SNTG1: variants seen among roughly 807,000 people sequenced by gnomAD.
SNTG1 encodes the protein syntrophin gamma 1.
SNTG1 carries 39 observed loss-of-function variants against 74.7 expected under a neutral mutation model. The observed-to-expected ratio is 0.52, with a 90% CI of 0.40 to 0.68. The LOEUF (loss-of-function observed/expected upper bound fraction) is 0.68. Ranked by LOEUF, SNTG1 falls within the 30% of genes least tolerant of loss-of-function variation. The pLI, the probability that SNTG1 is intolerant of heterozygous loss-of-function variation, is 0.00. For synonymous variants in SNTG1, 254 were observed against 217.1 expected (o/e 1.17, Z -1.49); for missense variants, 685 against 609.5 (o/e 1.12, Z -1.30).
At chr8:50,498,981 C>A (rs1165507478) in intron 8 of SNTG1, among the ~76,000 whole-genome samples, 1 of 151,470 alleles carries the variant, frequency 6.6e-6, no homozygotes, top group Non-Finnish European at 1.5e-5. Flanking sequence ...TTTGCTTTAT[C>A]TATCTTTTTG....
chr8:50,351,145 C>T (rs1448433674), intron 2 of SNTG1, among the ~76,000 whole-genome samples: 1 of 152,194 alleles, frequency 6.6e-6, no homozygotes, highest in African/African-American at 2.4e-5. Flanking sequence ...ACTACCTAGA[C>T]CCATTTCTTA....
chr8:50,790,578 C>G (rs1256670619), intron 18 of SNTG1, among the ~76,000 whole-genome samples: 1 of 151,888 alleles, frequency 6.6e-6, no homozygotes, highest in East Asian at 1.9e-4. Flanking sequence ...TAAAAGGAAT[C>G]GTTGACACCC....
intron 1 of SNTG1, among the ~76,000 whole-genome samples, chr8:49,917,836 A>T (rs924776163): frequency 6.6e-6 from 1 of 152,190 alleles, no homozygotes; most frequent in Non-Finnish European, 1.5e-5. Context: ...AGCCAGTGAG[A>T]TCTGCATCAC....
At chr8:50,472,922 T>C (rs1050308719) in intron 8 of SNTG1, among the ~76,000 whole-genome samples, 12 of 151,848 alleles carry the variant, frequency 7.9e-5, no homozygotes, top group Non-Finnish European at 1.5e-4. Flanking sequence ...AAAAAACATA[T>C]GAAAAAATGC....
intron 8 of SNTG1, among the ~76,000 whole-genome samples, chr8:50,497,876 T>C (rs2093917852): frequency 1.3e-5 from 2 of 152,076 alleles, no homozygotes; most frequent in South Asian, 2.1e-4. Flanking sequence ...GTATGTTTTC[T>C]GGCTTCTTTC....
intron 1 of SNTG1, among the ~76,000 whole-genome samples, chr8:50,029,336 T>A (rs988563059): frequency 6.6e-6 from 1 of 152,176 alleles, no homozygotes; most frequent in East Asian, 1.9e-4. Flanking sequence ...ATCATTTCTT[T>A]GTGTTAGAAT....
rs900874040 is a variant in SNTG1 at position 50,774,310 on chromosome 8, A to G, written c.1396-18361A>G. 4.6e-5 allele frequency among the ~76,000 whole-genome samples: 7 copies of G among 152,038 alleles called. No individual in the cohort carries two copies. The South Asian group carries it at 1.0e-3, about 22-fold the overall frequency. ...GAATAAAAACAAAAGACATAAAATTATCATGATTCACCAGCAAAAGGCCAG... is the reference window on the plus strand; with the variant it reads ...GAATAAAAACAAAAGACATAAAATTGTCATGATTCACCAGCAAAAGGCCAG... On this transcript the variant is annotated intron_variant, in intron 18 of 18. Coordinates refer to ENST00000642720, the MANE Select transcript of SNTG1 (RefSeq NM_018967.5).
intron 1 of SNTG1, among the ~76,000 whole-genome samples, chr8:50,159,121 C>T (rs1403333624): frequency 2.6e-5 from 4 of 152,146 alleles, no homozygotes; most frequent in Middle Eastern, 3.4e-3. Flanking sequence ...ATGCTTGTTC[C>T]TGTCTTGGCT....
At chr8:50,146,289 G>C (rs537869563) in intron 1 of SNTG1, among the ~76,000 whole-genome samples, 1 of 151,956 alleles carries the variant, frequency 6.6e-6, no homozygotes, top group Non-Finnish European at 1.5e-5. Flanking sequence ...AGGCCGAGGC[G>C]GGTGGATCAC....
At chr8:50,012,834 G>C (rs538945077) in intron 1 of SNTG1, among the ~76,000 whole-genome samples, 1 of 152,248 alleles carries the variant, frequency 6.6e-6, no homozygotes, top group East Asian at 1.9e-4. Flanking sequence ...TGGGTTTTGA[G>C]ACAGCAGCTG....
rs575725011 is a variant in SNTG1, at chr8:50,124,270, C to A, written c.-102-48291C>A. ...CCGTGAGAAAGGCTTTGGGAGAAAC[C>A]AACCCGCTGACACATCAGCCTCAGA... On this transcript the variant is annotated intron_variant, in intron 1 of 18. Coordinates refer to ENST00000642720, the MANE Select transcript of SNTG1 (RefSeq NM_018967.5). Among the ~76,000 whole-genome samples, 3 of 141,636 alleles carry A rather than the reference C, an allele frequency of 2.1e-5. 1 individual carries two copies. Among genetic ancestry groups the A allele is most frequent in the Non-Finnish European group, 4.7e-5 (3 of 63,656 alleles). 92.9% of individuals were successfully genotyped at this position (141,636 alleles called of 152,430 possible).
chr8:50,563,107 G>C (rs1410409037), intron 12 of SNTG1, among the ~76,000 whole-genome samples: 1 of 152,184 alleles, frequency 6.6e-6, no homozygotes, highest in Non-Finnish European at 1.5e-5. Context: ...CTGTTGAATT[G>C]TCAGGCAGTC....
intron 2 of SNTG1, among the ~76,000 whole-genome samples, chr8:50,205,276 A>AT (rs1448826772): frequency 3.3e-5 from 5 of 152,138 alleles, no homozygotes; most frequent in African/African-American, 1.2e-4. Flanking sequence ...CTGGTGTGTG[A>AT]TGGTATCTCA....
intron 1 of SNTG1, among the ~76,000 whole-genome samples, chr8:50,121,705 A>C (rs2081002455): frequency 7.0e-6 from 1 of 141,996 alleles, no homozygotes; most frequent in South Asian, 2.6e-4. Context: ...ATTTTAAATC[A>C]TGAAAATAAG....
At chr8:50,280,164 T>C (rs1040513726) in intron 2 of SNTG1, among the ~76,000 whole-genome samples, 3 of 152,252 alleles carry the variant, frequency 2.0e-5, no homozygotes, top group Non-Finnish European at 2.9e-5. Flanking sequence ...CCCTCTCATT[T>C]TTCCATTTGA....
intron 15 of SNTG1, among the ~76,000 whole-genome samples, chr8:50,678,815 T>G (rs537437223): frequency 6.6e-6 from 1 of 152,146 alleles, no homozygotes; most frequent in East Asian, 1.9e-4. Flanking sequence ...ATTGAGAAAA[T>G]TTTTTATAGT....
chr8:50,725,855 A>T (rs2095498829), intron 17 of SNTG1, among the ~76,000 whole-genome samples: 1 of 152,176 alleles, frequency 6.6e-6, no homozygotes, highest in Non-Finnish European at 1.5e-5. Flanking sequence ...TTGACCACCA[A>T]AAACAAAGCC....
At chr8:50,638,709 G>A (rs1054559570) in intron 13 of SNTG1, among the ~76,000 whole-genome samples, 1 of 152,072 alleles carries the variant, frequency 6.6e-6, no homozygotes. Flanking sequence ...AGGAGGCGGT[G>A]TGTCTCAGTA....
intron 13 of SNTG1, among the ~76,000 whole-genome samples, chr8:50,652,719 C>T (rs554777725): frequency 6.6e-6 from 1 of 152,154 alleles, no homozygotes; most frequent in Admixed American, 6.5e-5. Context: ...ATCACTTGAA[C>T]CCAGGAGGTG....
Sources: allele counts gnomAD v4.1 joint callset (sites outside exome capture counted in the v4.1 genomes callset), GRCh38; gene constraint gnomAD v4.1.1; transcripts MANE v1.5; gene names NCBI Gene and HGNC (gene_info 2026-07-23, HGNC 2026-07-21).